The following RBM20 variants were observed in gnomAD, a reference collection of about 807,000 sequenced individuals.
RBM20 encodes RNA-binding protein 20.
A neutral mutation model predicts 110.1 loss-of-function variants in RBM20; 51 were observed. The ratio of observed to expected loss-of-function variants is 0.46; its 90% CI spans 0.37 to 0.59. The LOEUF is 0.59. Among genes scored for constraint, RBM20 ranks in the 20% least tolerant of loss-of-function variants. The probability of loss-of-function intolerance (pLI) is 0.00; values close to 1 mark genes in which losing one functional copy is unlikely to be tolerated. For missense variants in RBM20, 1,512 were observed against 1,574.9 expected (o/e 0.96, Z 0.68); for synonymous variants, 589 against 618.2 (o/e 0.95, Z 0.70).
intron 1 of RBM20, among the ~76,000 whole-genome samples, chr10:110,769,533 T>A (rs1378587405): frequency 1.3e-5 from 2 of 152,112 alleles, no homozygotes; most frequent in African/African-American, 4.8e-5. Context: ...GCAGCCCAAA[T>A]GTTCTGAAAA....
At chr10:110,644,075 G>T (rs968622534), upstream of RBM20, among the ~76,000 whole-genome samples, 1 of 152,188 alleles carries the variant, frequency 6.6e-6, no homozygotes, top group Non-Finnish European at 1.5e-5. The surrounding 1 kb of genome is among the most constrained non-coding windows in gnomAD (Gnocchi z 4.3). Flanking sequence ...GCCGTGGAAC[G>T]CTGGGCTACG....
intron 1 of RBM20, among the ~76,000 whole-genome samples, chr10:110,735,345 A>AT (rs201721358): frequency 1.4e-4 from 21 of 152,066 alleles, no homozygotes; most frequent in East Asian, 9.7e-4. Context: ...ATCTGCATGT[A>AT]TTTTTTTTAT....
intron 1 of RBM20, among the ~76,000 whole-genome samples, chr10:110,695,234 G>A (rs1862645681): frequency 6.6e-6 from 1 of 152,180 alleles, no homozygotes; most frequent in Non-Finnish European, 1.5e-5. Flanking sequence ...GGAAGCCAAG[G>A]ATTGGAAATT....
chr10:110,727,412 T>TAA (rs753041080), intron 1 of RBM20, among the ~76,000 whole-genome samples: 73 of 68,932 alleles, frequency 1.1e-3, no homozygotes, highest in Middle Eastern at 5.7e-3. Context: ...AAAATAAAAA[T>TAA]AAAAAAAAAA....
chr10:110,789,747 C>T (rs1035722498), intron 5 of RBM20, among the ~76,000 whole-genome samples: 1 of 152,158 alleles, frequency 6.6e-6, no homozygotes, highest in Non-Finnish European at 1.5e-5. Flanking sequence ...TGTGTCTGTC[C>T]TCAGCCCCTC....
At chr10:110,811,470 T>A (rs1352280674) in intron 8 of RBM20, among the ~76,000 whole-genome samples, 5 of 152,304 alleles carry the variant, frequency 3.3e-5, no homozygotes, top group East Asian at 3.9e-4. Flanking sequence ...TCTGTTTTTT[T>A]AAAAAAATTC....
At chr10:110,709,264 A>C (rs567798076) in intron 1 of RBM20, among the ~76,000 whole-genome samples, 2 of 152,144 alleles carry the variant, frequency 1.3e-5, no homozygotes, top group Non-Finnish European at 2.9e-5. Flanking sequence ...TGAAATGGCC[A>C]GGATTTAAAT....
intron 13 of RBM20, among the ~76,000 whole-genome samples, chr10:110,833,939 T>C (rs2135144289): frequency 6.6e-6 from 1 of 152,328 alleles, no homozygotes; most frequent in African/African-American, 2.4e-5. Context: ...AGGTAATGGC[T>C]GACACTTAAA....
intron 1 of RBM20, among the ~76,000 whole-genome samples, chr10:110,655,595 A>G (rs1862011386): frequency 6.6e-6 from 1 of 152,210 alleles, no homozygotes; most frequent in African/African-American, 2.4e-5. Context: ...CAAGGCTCCT[A>G]TTCATAGCAA....
chr10:110,696,060 T>A (rs576299881), intron 1 of RBM20, among the ~76,000 whole-genome samples: 1 of 152,186 alleles, frequency 6.6e-6, no homozygotes, highest in East Asian at 1.9e-4. Flanking sequence ...CCAGAGCCAA[T>A]CAGTCTCCTT....
intron 12 of RBM20, among the ~76,000 whole-genome samples, 186 bp from the exon 13 acceptor site, chr10:110,830,875 G>A (rs1351957310): frequency 1.3e-5 from 2 of 152,128 alleles, no homozygotes; most frequent in East Asian, 3.9e-4. Flanking sequence ...GTGGGTGTGA[G>A]TCTCTTTGTG....
In RBM20 at chr10:110,785,715, A is replaced by T. The variant is rs183597749; in HGVS notation, c.1527+826A>T. On this transcript the variant is annotated intron_variant, in intron 5 of 13. Coordinates refer to ENST00000369519, the MANE Select transcript of RBM20 (RefSeq NM_001134363.3). Reference sequence around the variant, plus strand: ...AGTGAAGAGCTGTTTAATCCAGTTCATCTAGTATTGAAACACATGACTTAA... The same window carrying T: ...AGTGAAGAGCTGTTTAATCCAGTTCTTCTAGTATTGAAACACATGACTTAA... 2.1e-4 allele frequency among the ~76,000 whole-genome samples: 32 copies of T among 152,158 alleles called. No homozygotes were observed. The East Asian group carries it at 5.6e-3, about 27-fold the overall frequency.
chr10:110,784,914 G>T (rs1844401801), intron 5 of RBM20, 25 bp downstream of exon 5: 1 of 1,304,346 alleles, frequency 7.7e-7, no homozygotes. Context: ...ATTTTCTCTA[G>T]AAATTAATGA....
At chr10:110,725,434 C>G (rs1020506620) in intron 1 of RBM20, among the ~76,000 whole-genome samples, 1 of 152,186 alleles carries the variant, frequency 6.6e-6, no homozygotes, top group Non-Finnish European at 1.5e-5. Flanking sequence ...ATTCACATTA[C>G]TATTATTAGG....
At chr10:110,830,711 A>T (rs1406559348) in intron 12 of RBM20, among the ~76,000 whole-genome samples, 4 of 152,378 alleles carry the variant, frequency 2.6e-5, no homozygotes, top group South Asian at 2.1e-4. Context: ...ATGAAATCCA[A>T]CAAGTGAAAT....
rs540307137 is a variant in RBM20, at chr10:110,721,591, C to T, written c.192-59210C>T. On this transcript the variant is annotated intron_variant, in intron 1 of 13. Coordinates refer to ENST00000369519, the MANE Select transcript of RBM20 (RefSeq NM_001134363.3). The stretch of plus-strand genomic sequence containing the variant: ...CACTGACCGTGCCTTTTCACATGAC[C>T]ACAGGGCAAATCAGCACGCTCTTCT... Among the ~76,000 whole-genome samples the T allele has an allele frequency of 2.6e-5, 4 of 152,242 alleles. No homozygotes were observed. The South Asian group carries it at 6.2e-4, about 24-fold the overall frequency.
intron 5 of RBM20, among the ~76,000 whole-genome samples, chr10:110,790,924 A>G (rs528837777): frequency 2.0e-3 from 302 of 152,320 alleles, no homozygotes; most frequent in Non-Finnish European, 3.0e-3. Flanking sequence ...CGTGGACCAG[A>G]TGACCTCCCA....
intron 1 of RBM20, among the ~76,000 whole-genome samples, chr10:110,676,433 A>G (rs1862340837): frequency 6.6e-6 from 1 of 152,276 alleles, no homozygotes; most frequent in African/African-American, 2.4e-5. Flanking sequence ...GACAACATGC[A>G]TAAAAGGAAA....
At chr10:110,831,686 A>AC (rs1845057683) in intron 13 of RBM20, among the ~76,000 whole-genome samples, 4 of 134,276 alleles carry the variant, frequency 3.0e-5, no homozygotes, top group South Asian at 4.9e-4. Flanking sequence ...AAAAAAAAAA[A>AC]AAAAACACTG....
Sources: gnomAD v4.1 joint callset for allele counts (sites outside exome capture counted in the v4.1 genomes callset) on GRCh38, gnomAD v4.1.1 for gene constraint, Gnocchi (gnomAD v3.1) non-coding constraint, MANE v1.5 for transcripts, NCBI Gene and HGNC (gene_info 2026-07-23, HGNC 2026-07-21) for gene names.